Variants in B3GLCT observed in about 807,000 individuals in gnomAD.
B3GLCT encodes beta 3-glucosyltransferase, also known as beta-1,3-glucosyltransferase.
B3GLCT carries 65 observed loss-of-function variants against 63.4 expected under a neutral mutation model. The observed-to-expected ratio is 1.03, with a 90% CI of 0.84 to 1.26. B3GLCT has a LOEUF of 1.26. Among genes scored for constraint, B3GLCT ranks in the 50% most tolerant of loss-of-function variants. The pLI is 0.00. For missense variants in B3GLCT, 577 were observed against 604.8 expected (o/e 0.95, Z 0.48); for synonymous variants, 233 against 219.2 (o/e 1.06, Z -0.55).
chr13:31,242,112 T>C (rs1447695586), intron 4 of B3GLCT, among the ~76,000 whole-genome samples: 1 of 152,188 alleles, frequency 6.6e-6, no homozygotes, highest in African/African-American at 2.4e-5. Context: ...GAGAGATTAA[T>C]AAAATAGTGG....
Sources: gnomAD v4.1 joint callset for allele counts (sites outside exome capture counted in the v4.1 genomes callset) on GRCh38, gnomAD v4.1.1 for gene constraint, MANE v1.5 for transcripts, NCBI Gene and HGNC (gene_info 2026-07-23, HGNC 2026-07-21) for gene names.